Variants in ACYP2 observed in about 807,000 individuals in gnomAD.
ACYP2 encodes the protein acylphosphatase-2.
ACYP2 carries 12 observed loss-of-function variants against 11.2 expected under a neutral mutation model. The observed-to-expected ratio is 1.08, with a 90% CI of 0.69 to 1.74. ACYP2 has a LOEUF of 1.74. Among genes scored for constraint, ACYP2 ranks in the 40% most tolerant of loss-of-function variants. ACYP2 has a pLI of 0.00. For synonymous variants in ACYP2, 43 were observed against 32.2 expected (o/e 1.33, Z -1.13); for missense variants, 134 against 101.9 (o/e 1.31, Z -1.35).
intron 6 of ACYP2, among the ~76,000 whole-genome samples, chr2:54,244,680 T>A (rs180745828): frequency 6.6e-6 from 1 of 152,184 alleles, no homozygotes; most frequent in Non-Finnish European, 1.5e-5. Context: ...ATGCTAGGAA[T>A]TGTCCCCCTC....
intron 6 of ACYP2, among the ~76,000 whole-genome samples, chr2:54,178,721 TAC>T (rs1477022268): frequency 6.6e-6 from 1 of 152,212 alleles, no homozygotes; most frequent in Non-Finnish European, 1.5e-5. Flanking sequence ...TGTAAGAGAA[TAC>T]AGTTTGATCA....
At chr2:54,248,066 A>T (rs1187165436) in intron 6 of ACYP2, among the ~76,000 whole-genome samples, 2 of 152,184 alleles carry the variant, frequency 1.3e-5, no homozygotes, top group Non-Finnish European at 2.9e-5. Context: ...TTTAACTTTT[A>T]TTAACTTAAA....
chr2:54,208,236 T>C (rs1429666143), intron 6 of ACYP2, among the ~76,000 whole-genome samples: 1 of 151,646 alleles, frequency 6.6e-6, no homozygotes, highest in African/African-American at 2.4e-5. Flanking sequence ...ATCCCTAAAG[T>C]GGTTCTTCCT....
Position 54,291,625 on chromosome 2 carries a change from A to C in ACYP2, c.405-13063A>C, listed in dbSNP as rs373728978. Among the ~76,000 whole-genome samples the C allele has an allele frequency of 1.2e-4, 18 of 152,262 alleles. No individual in the cohort carries two copies. In the East Asian group the frequency reaches 1.7e-3, roughly 15 times the overall value. ...ATCAGAGGTATTCCTGTGAAATTTG[A>C]ATTTGGGACTGAGTTCAGTGGAGAA... On this transcript the variant is annotated intron_variant, in intron 6 of 6. Coordinates refer to ENST00000607452, the MANE Select transcript of ACYP2 (RefSeq NM_001320586.2).
chr2:54,010,742 T>C (rs1360110077), intron 2 of ACYP2, among the ~76,000 whole-genome samples: 12 of 36,584 alleles, frequency 3.3e-4, no homozygotes, highest in African/African-American at 7.3e-4. Context: ...TCTTTCTTTT[T>C]TTTTTTTTTT....
At chr2:54,163,371 A>G (rs1489954492) in intron 6 of ACYP2, among the ~76,000 whole-genome samples, 1 of 152,208 alleles carries the variant, frequency 6.6e-6, no homozygotes, top group African/African-American at 2.4e-5. Flanking sequence ...ATTAAATGCT[A>G]CAAGAGGGTA....
chr2:54,019,860 T>G (rs1673909751), intron 2 of ACYP2, among the ~76,000 whole-genome samples: 1 of 151,920 alleles, frequency 6.6e-6, no homozygotes. Flanking sequence ...CCTCAGGTGA[T>G]CCACCTGCCT....
intron 6 of ACYP2, among the ~76,000 whole-genome samples, chr2:54,257,242 T>C (rs1687598634): frequency 6.6e-6 from 1 of 152,182 alleles, no homozygotes; most frequent in Non-Finnish European, 1.5e-5. Flanking sequence ...AGGAATCTTA[T>C]CTCACCAAGA....
intron 6 of ACYP2, among the ~76,000 whole-genome samples, chr2:54,220,508 C>A (rs1184128531): frequency 6.6e-6 from 1 of 152,030 alleles, no homozygotes; most frequent in Non-Finnish European, 1.5e-5. Flanking sequence ...GAGCATTTCC[C>A]AGATACAATT....
intron 6 of ACYP2, among the ~76,000 whole-genome samples, chr2:54,211,624 G>C (rs1685334108): frequency 6.6e-6 from 1 of 152,078 alleles, no homozygotes; most frequent in African/African-American, 2.4e-5. Flanking sequence ...TTTTACTTTG[G>C]AAACTATGAT....
At chr2:54,044,712 A>G (rs373155069) in intron 2 of ACYP2, among the ~76,000 whole-genome samples, 38 of 152,172 alleles carry the variant, frequency 2.5e-4, no homozygotes, top group African/African-American at 8.9e-4. Flanking sequence ...GCTACAAATA[A>G]TCACAGCAGG....
At position 53,985,810 on chromosome 2, in the gene ACYP2, A is replaced by G. The variant is rs541063703; in HGVS notation, c.62+12000A>G. Among the ~76,000 whole-genome samples, 214 of 152,204 alleles carry G rather than the reference A, an allele frequency of 1.4e-3. 1 individual carries two copies. The highest frequency in any genetic ancestry group is 2.5e-3 in the Non-Finnish European group (169 of 68,012). ...GTGAGTTCAGGCTCTATTTGTTCCC[A>G]TGAGATTTCACCTGAAAGCGAGCTG... is the stretch of plus-strand genomic sequence containing the variant. On this transcript the variant is annotated intron_variant, in intron 2 of 6. Transcript: ENST00000607452.
chr2:54,230,833 T>TC (rs1390198877), intron 6 of ACYP2, among the ~76,000 whole-genome samples: 56 of 145,870 alleles, frequency 3.8e-4, no homozygotes, highest in African/African-American at 1.2e-3. Flanking sequence ...TCTTTTCTTT[T>TC]TTTTTTTTTT....
intron 4 of ACYP2, among the ~76,000 whole-genome samples, chr2:54,096,369 G>T (rs1455894116): frequency 5.3e-5 from 8 of 149,782 alleles, no homozygotes; most frequent in African/African-American, 2.0e-4. Flanking sequence ...AGGCAGAGGG[G>T]CTCCTCACGT....
chr2:54,287,052 G>A (rs1303325713), intron 6 of ACYP2, among the ~76,000 whole-genome samples: 1 of 152,010 alleles, frequency 6.6e-6, no homozygotes, highest in Non-Finnish European at 1.5e-5. Context: ...CACTAAAGGT[G>A]AGTGCATTTG....
At chr2:54,201,636 C>CTCTCTCTCTCTTTCTT in intron 6 of ACYP2, among the ~76,000 whole-genome samples, 1 of 93,698 alleles carries the variant, frequency 1.1e-5, no homozygotes, top group East Asian at 3.2e-4. Flanking sequence ...TTCTTTCTTT[C>CTCTCTCTCTCTTTCTT]TCTTTCTTTC....
intron 4 of ACYP2, among the ~76,000 whole-genome samples, chr2:54,091,005 ATTGTTGAT>A (rs1678195185): frequency 1.3e-5 from 2 of 152,202 alleles, no homozygotes; most frequent in Admixed American, 6.5e-5. Context: ...CGCTGACATA[ATTGTTGAT>A]TGATTTAAAA....
chr2:54,148,528 G>A (rs186251004), intron 6 of ACYP2, among the ~76,000 whole-genome samples: 34 of 152,140 alleles, frequency 2.2e-4, no homozygotes, highest in East Asian at 7.7e-4. Flanking sequence ...ATGTTGTCTC[G>A]TGGCAGTTGG....
chr2:54,019,647 T>C (rs1673894954), intron 2 of ACYP2, among the ~76,000 whole-genome samples: 1 of 148,596 alleles, frequency 6.7e-6, no homozygotes, highest in Admixed American at 6.7e-5. Flanking sequence ...TGAGACGGAG[T>C]CTCACTCCGT....
Sources: gnomAD v4.1 joint callset for allele counts (sites outside exome capture counted in the v4.1 genomes callset) on GRCh38, gnomAD v4.1.1 for gene constraint, MANE v1.5 for transcripts, NCBI Gene and HGNC (gene_info 2026-07-23, HGNC 2026-07-21) for gene names.